Variants in PCMTD1 observed in about 807,000 individuals in gnomAD.
PCMTD1 encodes protein-L-isoaspartate O-methyltransferase domain-containing protein 1.
In PCMTD1, 12 loss-of-function variants were observed where a neutral mutation model predicts 37.6. That is an observed-to-expected ratio of 0.32 (90% confidence interval 0.20 to 0.52). PCMTD1 has a LOEUF of 0.52. Among genes scored for constraint, PCMTD1 ranks in the 20% least tolerant of loss-of-function variants. The pLI is 0.97. For synonymous variants in PCMTD1, 117 were observed against 135.8 expected, an observed-to-expected ratio of 0.86 and a Z score of 0.96; for missense variants, 235 against 421.3, an observed-to-expected ratio of 0.56 and a Z score of 3.87.
intron 1 of PCMTD1, among the ~76,000 whole-genome samples, chr8:51,871,841 T>C (rs2038643846): frequency 6.6e-6 from 1 of 152,170 alleles, no homozygotes; most frequent in South Asian, 2.1e-4. Context: ...CTATATTCTC[T>C]TGACTATCTT....
chr8:51,870,421 A>G (rs2038622636), intron 1 of PCMTD1: 1 of 152,196 alleles, frequency 6.6e-6, no homozygotes, highest in Non-Finnish European at 1.5e-5. Flanking sequence ...AATATAAATA[A>G]AGAATTATTA....
At chr8:51,860,299 T>C (rs748742811) in intron 2 of PCMTD1, among the ~76,000 whole-genome samples, 36 of 152,260 alleles carry the variant, frequency 2.4e-4, no homozygotes, top group Non-Finnish European at 4.6e-4. Flanking sequence ...GGCAGAAATC[T>C]TAGTCCCTTT....
At chr8:51,898,791 A>G in intron 1 of PCMTD1, 139 bp downstream of exon 1, 1 of 810,630 alleles carries the variant, frequency 1.2e-6, no homozygotes, top group Non-Finnish European at 1.6e-6. Flanking sequence ...GCCCGCCCTT[A>G]AGTCCCCCTG....
intron 1 of PCMTD1, among the ~76,000 whole-genome samples, chr8:51,870,785 A>C (rs1046000654): frequency 6.6e-6 from 1 of 152,178 alleles, no homozygotes; most frequent in African/African-American, 2.4e-5. Context: ...TTTTAGCTGA[A>C]AAGATGTTCA....
chr8:51,859,442 G>A (rs942683601), intron 2 of PCMTD1, among the ~76,000 whole-genome samples: 8 of 152,044 alleles, frequency 5.3e-5, no homozygotes, highest in South Asian at 4.1e-4. Context: ...TCTCTTTATC[G>A]ATGAAAATTA....
intron 3 of PCMTD1, chr8:51,839,701 A>G: frequency 1.2e-6 from 1 of 809,066 alleles, no homozygotes; most frequent in Non-Finnish European, 1.5e-6. Context: ...GACAATTTGC[A>G]CACCTAGTTT....
At chr8:51,886,004 T>C (rs2038860539) in intron 1 of PCMTD1, among the ~76,000 whole-genome samples, 2 of 152,248 alleles carry the variant, frequency 1.3e-5, no homozygotes, top group African/African-American at 4.8e-5. Flanking sequence ...CACAAGGATA[T>C]TCTTTCCTAC....
Position 51,819,023 on chromosome 8 carries a change from G to C in PCMTD1, c.*1328C>G, listed in dbSNP as rs1054902999. 3.6e-5 allele frequency: 5 copies of C among 140,200 alleles called. No homozygotes were observed. The Admixed American group carries it at 4.3e-4, about 12-fold the overall frequency. The allele number at this position is 140,200 out of a possible 1,614,324, so 8.7% of individuals were successfully genotyped here. A position where few individuals can be genotyped will look rare whatever the true frequency, so the allele number is the denominator to read the frequency against. ...GTTACATTGTACACTTTCTTAACAA[G>C]GAATGGCTGTTTTCAGGCCTTATTA... On this transcript the variant is annotated 3_prime_UTR_variant, in exon 6 of 6. Coordinates refer to ENST00000522514, the MANE Select transcript of PCMTD1 (RefSeq NM_052937.4).
At chr8:51,851,508 C>T (rs926145703) in intron 2 of PCMTD1, among the ~76,000 whole-genome samples, 1 of 152,080 alleles carries the variant, frequency 6.6e-6, no homozygotes, top group South Asian at 2.1e-4. Flanking sequence ...TCAAGAACAA[C>T]CTATGACTAT....
intron 5 of PCMTD1, 56 bp from the exon 6 acceptor site, chr8:51,820,774 T>C (rs1585777228): frequency 2.9e-6 from 4 of 1,357,300 alleles, no homozygotes; most frequent in South Asian, 1.5e-5. Context: ...ACATTATCTA[T>C]TGTTTATTTT....
chr8:51,888,492 T>C (rs1002939840), intron 1 of PCMTD1, among the ~76,000 whole-genome samples: 1 of 152,116 alleles, frequency 6.6e-6, no homozygotes, highest in East Asian at 1.9e-4. Flanking sequence ...CTAAAGGGTA[T>C]GAAAACAAAC....
intron 2 of PCMTD1, among the ~76,000 whole-genome samples, chr8:51,856,639 T>G (rs2038394393): frequency 6.6e-6 from 1 of 152,220 alleles, no homozygotes; most frequent in Non-Finnish European, 1.5e-5. Flanking sequence ...CAAAACGTAG[T>G]GTATATCTAT....
In PCMTD1 at chr8:51,817,975, T is replaced by C. The variant is rs1203801217; in HGVS notation, c.*2376A>G. ...GATGATACTTACTGTTTTAACTAGC[T>C]ATAAAATTCCAATACTATATTCCCC... On this transcript the variant is annotated 3_prime_UTR_variant, in exon 6 of 6. Transcript: ENST00000522514. 4 of 456,480 alleles carry C rather than the reference T, an allele frequency of 8.8e-6. No individual in the cohort carries two copies. The highest frequency in any genetic ancestry group is 4.7e-5 in the Admixed American group (2 of 42,546). The allele number at this position is 456,480 out of a possible 1,614,324, so 28.3% of individuals were successfully genotyped here. A position where few individuals can be genotyped will look rare whatever the true frequency, so the allele number is the denominator to read the frequency against.
At chr8:51,834,825 C>T (rs138393039) in intron 3 of PCMTD1, among the ~76,000 whole-genome samples, 255 of 152,238 alleles carry the variant, frequency 1.7e-3, no homozygotes, top group African/African-American at 5.8e-3. Context: ...ATATGCCCTG[C>T]CCTTCATTTC....
Position 51,877,638 on chromosome 8 carries a change from CCTTTA to C in PCMTD1, c.-95-16397_-95-16393del, listed in dbSNP as rs369673803. Among the ~76,000 whole-genome samples, 15 of 152,180 alleles carry C rather than the reference CCTTTA, an allele frequency of 9.9e-5. 1 individual carries two copies. Among genetic ancestry groups the C allele is most frequent in the South Asian group, 6.2e-4 (3 of 4,826 alleles). On this transcript the variant is annotated intron_variant, in intron 1 of 5. Coordinates refer to ENST00000522514, the MANE Select transcript of PCMTD1 (RefSeq NM_052937.4). The stretch of plus-strand genomic sequence containing the variant: ...GGGGAGGAAAGTCTTTGAAGAGGAA[CCTTTA>C]CTTTACTTTACTTTTCATAGGCCAA...
intron 2 of PCMTD1, among the ~76,000 whole-genome samples, chr8:51,848,078 G>A (rs994734092): frequency 2.6e-5 from 3 of 115,044 alleles, no homozygotes; most frequent in Admixed American, 2.5e-4. Flanking sequence ...GAGAGAGACC[G>A]TGGTTTTGTT....
chr8:51,849,606 G>T (rs373179598), intron 2 of PCMTD1: 4 of 152,524 alleles, frequency 2.6e-5, no homozygotes, highest in African/African-American at 9.7e-5. Context: ...AATTTTTAAG[G>T]TTGACAAACC....
intron 1 of PCMTD1, among the ~76,000 whole-genome samples, chr8:51,883,619 G>A (rs1244414724): frequency 6.6e-6 from 1 of 152,132 alleles, no homozygotes; most frequent in African/African-American, 2.4e-5. Context: ...TTTTTAAAAC[G>A]TGTTCAGAAA....
At chr8:51,846,446 T>C (rs1416894796) in intron 2 of PCMTD1, among the ~76,000 whole-genome samples, 1 of 152,216 alleles carries the variant, frequency 6.6e-6, no homozygotes, top group African/African-American at 2.4e-5. Flanking sequence ...TCCCTCACCC[T>C]GAAAATACGA....
Sources: allele counts gnomAD v4.1 joint callset (sites outside exome capture counted in the v4.1 genomes callset), GRCh38; gene constraint gnomAD v4.1.1; transcripts MANE v1.5; gene names NCBI Gene and HGNC (gene_info 2026-07-23, HGNC 2026-07-21).